Variants in NCKAP5L observed in about 807,000 individuals in gnomAD.
The protein encoded by NCKAP5L is NCK associated protein 5 like, also known as nck-associated protein 5-like.
Under a neutral mutation model 103.2 loss-of-function variants are expected in NCKAP5L, and 54 were observed. The ratio of observed to expected loss-of-function variants is 0.52; its 90% CI spans 0.42 to 0.66. NCKAP5L has a LOEUF of 0.66. NCKAP5L is among the 30% of genes least tolerant of loss of function. The pLI is 0.00. For missense variants in NCKAP5L, 1,733 were observed against 1,750.6 expected (o/e 0.99, Z 0.18); for synonymous variants, 762 against 748.6 (o/e 1.02, Z -0.29).
intron 1 of NCKAP5L, among the ~76,000 whole-genome samples, chr12:49,812,573 G>A (rs1227372878): frequency 4.0e-5 from 6 of 151,880 alleles, no homozygotes; most frequent in South Asian, 4.2e-4. Context: ...TAGTAGAGAC[G>A]GGGTTTCACC....
chr12:49,821,708 G>A (rs944543252), intron 1 of NCKAP5L, among the ~76,000 whole-genome samples: 80 of 152,228 alleles, frequency 5.3e-4, no homozygotes, highest in African/African-American at 1.8e-3. Flanking sequence ...CTTGATTAAC[G>A]TGGACTTTTT....
Position 49,792,696 on chromosome 12 carries a change from G to T in NCKAP5L, c.3631C>A (p.His1211Asn). 1 of 1,612,040 alleles carries T rather than the reference G, an allele frequency of 6.2e-7. No individual in the cohort carries two copies. Among genetic ancestry groups the T allele is most frequent in the Non-Finnish European group, 8.5e-7 (1 of 1,179,276 alleles). The change falls in exon 11 of 13, where the codon CAT becomes AAT. Residue 1211 changes from histidine (H) to asparagine (N), a missense_variant. His to Asn is a moderately conservative substitution (Grantham distance 68). Transcript: ENST00000335999. This position sits in a 1 kb window ranked among gnomAD's most constrained non-coding sequence, Gnocchi z 4.5. ...CACTCACCATCAGGACAGGTCTCAT[G>T]GCCCCGGTGGCCCGGAGCAGCGGGT... Reference protein sequence around the residue: ...LLPAAPGHRGHETCPDDPCED... With the variant: ...LLPAAPGHRGNETCPDDPCED...
At chr12:49,799,688 G>A (rs1946098046) in intron 6 of NCKAP5L, among the ~76,000 whole-genome samples, 1 of 152,152 alleles carries the variant, frequency 6.6e-6, no homozygotes, top group African/African-American at 2.4e-5. Context: ...GGAAACAAGT[G>A]TGAACTCCTC....
At position 49,796,681 on chromosome 12, in the gene NCKAP5L, G is replaced by A. The variant is rs770836857; in HGVS notation, c.1179C>T (p.Phe393=). The A allele has an allele frequency of 1.3e-5, 21 of 1,587,672 alleles. No homozygotes were observed. The highest frequency in any genetic ancestry group is 3.4e-5 in the South Asian group (3 of 87,930). ...GGTPEAHRPG[F]GATSEGQGPL... ...GCCCCTGGCCCTCTGAGGTAGCACC[G>A]AAGCCTGGCCTGTGGGCCTCTGGGG... Residue 393 remains phenylalanine, a synonymous_variant, in exon 8 of 13, where the codon TTC becomes TTT. Coordinates refer to ENST00000335999, the MANE Select transcript of NCKAP5L (RefSeq NM_001037806.4).
intron 1 of NCKAP5L, among the ~76,000 whole-genome samples, chr12:49,817,573 T>C (rs1592760861): frequency 6.6e-6 from 1 of 152,138 alleles, no homozygotes; most frequent in Middle Eastern, 3.4e-3. Context: ...AAGAACCTAC[T>C]ACAAAGCTAT....
At chr12:49,808,751 C>T (rs1946207933) in intron 1 of NCKAP5L, among the ~76,000 whole-genome samples, 1 of 152,212 alleles carries the variant, frequency 6.6e-6, no homozygotes, top group South Asian at 2.1e-4. Flanking sequence ...CTGCTCACAG[C>T]CATGAGCTCA....
At chr12:49,804,782 G>A (rs890382174) in intron 2 of NCKAP5L, 1 of 152,406 alleles carries the variant, frequency 6.6e-6, no homozygotes, top group East Asian at 1.9e-4. Context: ...GGGTCATTGT[G>A]AGAGTCAAAT....
chr12:49,802,759 A>T, intron 5 of NCKAP5L, 199 bp downstream of exon 5: 1 of 616,456 alleles, frequency 1.6e-6, no homozygotes, highest in Non-Finnish European at 2.8e-6. Context: ...GTCATGCTCA[A>T]ATCAGTGACC....
rs764598351 is a variant in NCKAP5L at position 49,796,050 on chromosome 12, G to A, written c.1810C>T (p.Pro604Ser). 7 of 1,570,382 alleles carry A rather than the reference G, an allele frequency of 4.5e-6. 1 individual carries two copies. The highest frequency in any genetic ancestry group is 3.6e-5 in the South Asian group (3 of 83,986). The change falls in exon 8 of 13, where the codon CCC (proline) becomes TCC (serine). Residue 604 changes from proline (P) to serine (S), a missense_variant. Physicochemically the swap from Pro to Ser is moderately conservative, Grantham distance 74. Transcript: ENST00000335999. ...GATTCTGGGAGGCAAGGACTGGGGG[G>A]TACTCCAGGGCTTCTGAGGACCTCA... ...APEVLRSPGVPPSPCLPESYP... is the reference protein window; with the variant it reads ...APEVLRSPGVSPSPCLPESYP...
intron 1 of NCKAP5L, among the ~76,000 whole-genome samples, chr12:49,813,819 C>T (rs773117562): frequency 1.3e-5 from 2 of 152,156 alleles, no homozygotes; most frequent in South Asian, 2.1e-4. Flanking sequence ...TGAGACACTG[C>T]GCCTGGCCTA....
In NCKAP5L at chr12:49,792,467, C is replaced by T. The variant is rs776205578; in HGVS notation, c.3771G>A (p.Glu1257=). 1.2e-6 allele frequency: 2 copies of T among 1,613,534 alleles called. No individual in the cohort carries two copies. The highest frequency in any genetic ancestry group is 8.5e-7 in the Non-Finnish European group (1 of 1,179,644). Residue 1257 remains glutamate (E), a synonymous_variant, in exon 12 of 13, where the codon GAG becomes GAA. Transcript: ENST00000335999. This position sits in a 1 kb window ranked among gnomAD's most constrained non-coding sequence, Gnocchi z 4.5. ...TCACCATGGGGGTCCTGGGCAGCCC[C>T]TCCAGTTGTCGGGGTGGGCACATGA... ...DPLMCPPRQL[E]GLPRTPMALP...
In NCKAP5L at chr12:49,792,351, G is replaced by A. The variant is rs1448669125; in HGVS notation, c.3792+95C>T. On this transcript the variant is annotated intron_variant, in intron 12 of 12. Transcript: ENST00000335999. This position sits in a 1 kb window ranked among gnomAD's most constrained non-coding sequence, Gnocchi z 4.5. ...AGAGGGTGCAGCACTGAGACTGTGC[G>A]ACACACAGGCCGTACCTTACTGGAG... 4.5e-6 allele frequency: 7 copies of A among 1,558,862 alleles called. No homozygotes were observed. Among genetic ancestry groups the A allele is most frequent in the Middle Eastern group, 1.7e-4 (1 of 6,012 alleles).
rs1260382723 is a variant in NCKAP5L at position 49,801,762 on chromosome 12, G to A, written c.351+86C>T. On this transcript the variant is annotated intron_variant, in intron 6 of 12. Coordinates refer to ENST00000335999, the MANE Select transcript of NCKAP5L (RefSeq NM_001037806.4). ...ACAGCTGATGGCCTGCTTCCCTAGGGGCACGTGAGAAGACAGTGATGGGGC... is the reference window on the plus strand; with the variant it reads ...ACAGCTGATGGCCTGCTTCCCTAGGAGCACGTGAGAAGACAGTGATGGGGC... 12 of 1,522,628 alleles carry A rather than the reference G, an allele frequency of 7.9e-6. No individual in the cohort carries two copies. The East Asian group carries it at 1.8e-4, about 23-fold the overall frequency. The allele number at this position is 1,522,628 out of a possible 1,614,324, so 94.3% of individuals were successfully genotyped here.
At chr12:49,816,093 G>C (rs940533898) in intron 1 of NCKAP5L, among the ~76,000 whole-genome samples, 1 of 152,212 alleles carries the variant, frequency 6.6e-6, no homozygotes, top group East Asian at 1.9e-4. Flanking sequence ...CCTCCTGCAA[G>C]ATCAGTATTT....
intron 10 of NCKAP5L, 64 bp downstream of exon 10, chr12:49,793,288 A>G: frequency 6.7e-7 from 1 of 1,502,308 alleles, no homozygotes; most frequent in Non-Finnish European, 9.1e-7. Context: ...GGGAAGAAGT[A>G]AAGTGGGAAG....
Position 49,795,908 on chromosome 12 carries a change from C to A in NCKAP5L, c.1952G>T (p.Arg651Leu). ...TGTGCTGCCAGGATCCCCAGGTCGC[C>A]GTCCTGACCCCTGGCTGGGCTTCTT... The part of the protein sequence containing the change: ...SSKKPSQGSG[R>L]RPGDPGSTPL... The change falls in exon 8 of 13, where the codon CGG becomes CTG. Residue 651 changes from arginine (R) to leucine (L), a missense_variant. Physicochemically the swap from Arg to Leu is moderately radical, Grantham distance 102 (BLOSUM62 -2). Transcript: ENST00000335999. 1.3e-6 allele frequency: 2 copies of A among 1,528,786 alleles called. No individual in the cohort carries two copies. Among genetic ancestry groups the A allele is most frequent in the Non-Finnish European group, 1.7e-6 (2 of 1,145,232 alleles). 94.7% of individuals were successfully genotyped at this position (1,528,786 alleles called of 1,614,324 possible).
chr12:49,809,002 A>C (rs1946211134), intron 1 of NCKAP5L, among the ~76,000 whole-genome samples: 1 of 151,382 alleles, frequency 6.6e-6, no homozygotes, highest in Non-Finnish European at 1.5e-5. Flanking sequence ...AGGAGGGGGG[A>C]GAAGAGCGGA....
chr12:49,793,103 C>T (rs1220715230), intron 10 of NCKAP5L, 117 bp from the exon 11 acceptor site: 6 of 913,874 alleles, frequency 6.6e-6, no homozygotes, highest in Non-Finnish European at 9.6e-6. Context: ...CCTGGCCCAA[C>T]AGGCTCATTC....
At position 49,795,249 on chromosome 12, in the gene NCKAP5L, T is replaced by C; in HGVS notation, c.2611A>G (p.Ser871Gly). ...GGGGCCAGCCCCTCAGGGCCCTGAC[T>C]TGGGTCAGTGGGGCCAGGTACTAGG... ...TPLVPGPTDP[S>G]QGPEGLAPHS... The change falls in exon 8 of 13, where the codon AGT becomes GGT. Residue 871 changes from serine (S) to glycine (G), a missense_variant. Ser to Gly is a moderately conservative substitution (Grantham distance 56, BLOSUM62 0). Coordinates refer to ENST00000335999, the MANE Select transcript of NCKAP5L (RefSeq NM_001037806.4). 1.3e-6 allele frequency: 2 copies of C among 1,547,828 alleles called. No individual in the cohort carries two copies. The highest frequency in any genetic ancestry group is 1.7e-6 in the Non-Finnish European group (2 of 1,148,350).
Sources: allele counts gnomAD v4.1 joint callset (sites outside exome capture counted in the v4.1 genomes callset), GRCh38; gene constraint gnomAD v4.1.1; non-coding constraint Gnocchi (gnomAD v3.1); transcripts MANE v1.5; gene names NCBI Gene and HGNC (gene_info 2026-07-23, HGNC 2026-07-21).